Variants in DGKK observed in about 807,000 individuals in gnomAD.
The protein encoded by DGKK is diacylglycerol kinase kappa, also known as 142 kDa diacylglycerol kinase.
A neutral mutation model predicts 92.2 loss-of-function variants in DGKK; 35 were observed. The ratio of observed to expected loss-of-function variants is 0.38; its 90% CI spans 0.29 to 0.50. The LOEUF (loss-of-function observed/expected upper bound fraction) is 0.50. Ranked by LOEUF, DGKK falls within the 20% of genes least tolerant of loss-of-function variation. The pLI, the probability that DGKK is intolerant of heterozygous loss-of-function variation, is 0.92. For missense variants in DGKK, 910 were observed against 992.2 expected (o/e 0.92, Z 1.11); for synonymous variants, 368 against 360.6 (o/e 1.02, Z -0.23).
chrX:50,404,092 T>C lies in DGKK; in HGVS notation c.1035A>G (p.Arg345=). Residue 345 remains arginine, a synonymous_variant, in exon 5 of 28, where the codon CGA becomes CGG. Transcript: ENST00000611977. The stretch of plus-strand genomic sequence containing the variant: ...CTCTAGATAAGGCAGGAATGCTCTC[T>C]CGACAAACATTGCAGTGCTGGGTCC... ...SHRTQHCNVC[R]ESIPALSRDA... 8.3e-7 allele frequency: 1 copy of C among 1,211,362 alleles called. No homozygotes were observed. Among genetic ancestry groups the C allele is most frequent in the Non-Finnish European group, 1.1e-6 (1 of 895,322 alleles).
intron 4 of DGKK, among the ~76,000 whole-genome samples, chrX:50,412,118 C>G (rs1557228028): frequency 9.0e-6 from 1 of 111,371 alleles, no homozygotes; most frequent in Non-Finnish European, 1.9e-5. Context: ...GATTTTGGAG[C>G]AATTCGGGTT....
chrX:50,414,798 T>C (rs1925391636), intron 4 of DGKK, among the ~76,000 whole-genome samples: 1 of 111,668 alleles, frequency 9.0e-6, no homozygotes, highest in Non-Finnish European at 1.9e-5. Flanking sequence ...TAATTAGCTA[T>C]CTCTACAAAA....
intron 1 of DGKK, among the ~76,000 whole-genome samples, chrX:50,458,621 C>T (rs1381443099): frequency 1.8e-5 from 2 of 110,200 alleles, no homozygotes; most frequent in Admixed American, 2.0e-4. Flanking sequence ...TTATATGCCC[C>T]ATCAGCCAAC....
intron 26 of DGKK, 22 bp from the exon 27 acceptor site, chrX:50,370,571 G>A (rs1557223056): frequency 8.4e-7 from 1 of 1,186,273 alleles, no homozygotes; most frequent in Non-Finnish European, 1.1e-6. Context: ...CAAGAGGAAG[G>A]TCAAAATGTT....
intron 1 of DGKK, among the ~76,000 whole-genome samples, chrX:50,432,759 T>G (rs1925921436): frequency 8.9e-6 from 1 of 112,509 alleles, no homozygotes. Context: ...CCTAAACACC[T>G]ATAAGTTTTG....
intron 1 of DGKK, 134 bp downstream of exon 1, chrX:50,469,900 T>A: frequency 1.1e-6 from 1 of 928,249 alleles, no homozygotes; most frequent in African/African-American, 2.0e-5. Flanking sequence ...TCCCCATCCC[T>A]GCATCTTTCT....
At chrX:50,388,321 T>G (rs1924599888) in intron 13 of DGKK, among the ~76,000 whole-genome samples, 1 of 112,097 alleles carries the variant, frequency 8.9e-6, no homozygotes, top group Non-Finnish European at 1.9e-5. Context: ...GGCTTGCAAT[T>G]TTGACTTTTT....
In DGKK at chrX:50,369,028, GA is replaced by G. The variant is rs782242724; in HGVS notation, c.3737-10del. ...GCGGTGCCATAAATTGCCTTCAGAG[GA>G]AAAAAAATGGTATAGAAATAATGAG... is the stretch of plus-strand genomic sequence containing the variant. On this transcript the variant is annotated splice_polypyrimidine_tract_variant and intron_variant, in intron 27 of 27. Coordinates refer to ENST00000611977, the MANE Select transcript of DGKK (RefSeq NM_001013742.4). 39 of 1,182,520 alleles carry G rather than the reference GA, an allele frequency of 3.3e-5. No individual in the cohort carries two copies. Among genetic ancestry groups the G allele is most frequent in the Middle Eastern group, 2.3e-4 (1 of 4,292 alleles).
rs1926359310 is a variant in DGKK at position 50,447,362 on chromosome X, AT to A, written c.645+22671del. 2.2e-4 allele frequency among the ~76,000 whole-genome samples: 3 copies of A among 13,715 alleles called. No homozygotes were observed. In the African/African-American group the frequency reaches 2.4e-3, roughly 11 times the overall value. The allele number at this position is 13,715 out of a possible 115,157, so 11.9% of individuals were successfully genotyped here. ...TATATATTATATATATATATAATAT[AT>A]ATATATTATATATATATATAATATA... On this transcript the variant is annotated intron_variant, in intron 1 of 27. Transcript: ENST00000611977.
intron 25 of DGKK, among the ~76,000 whole-genome samples, chrX:50,374,121 TC>T (rs1392891717): frequency 8.9e-6 from 1 of 111,954 alleles, no homozygotes; most frequent in Non-Finnish European, 1.9e-5. Flanking sequence ...GAAGACCTAA[TC>T]CCCAGTACAT....
chrX:50,465,830 T>C (rs1053286100), intron 1 of DGKK, among the ~76,000 whole-genome samples: 4 of 110,651 alleles, frequency 3.6e-5, no homozygotes, highest in African/African-American at 1.3e-4. Context: ...CTATAAGCTG[T>C]CAAGTTTTAT....
Position 50,403,132 on chromosome X carries a change from C to A in DGKK, c.1237G>T (p.Ala413Ser). The part of the protein sequence containing the change: ...EGNMPVSSQC[A>S]VCHESCGSYQ... ...CTGCCACAGCTCTCATGACACACTG[C>A]ACACTGAGAGCTGACAGGCATGTTT... is the stretch of plus-strand genomic sequence containing the variant. The change falls in exon 7 of 28, where the codon GCA becomes TCA. Residue 413 changes from alanine to serine, a missense_variant. Coordinates refer to ENST00000611977, the MANE Select transcript of DGKK (RefSeq NM_001013742.4). 1 of 1,207,045 alleles carries A rather than the reference C, an allele frequency of 8.3e-7. No homozygotes were observed. Among genetic ancestry groups the A allele is most frequent in the Admixed American group, 2.2e-5 (1 of 45,668 alleles).
In DGKK at chrX:50,368,159, T is replaced by C. The variant is rs1924018737; in HGVS notation, c.*781A>G. 1 of 110,647 alleles carries C rather than the reference T, an allele frequency of 9.0e-6. No homozygotes were observed. The highest frequency in any genetic ancestry group is 1.9e-5 in the Non-Finnish European group (1 of 52,963). 9.1% of individuals were successfully genotyped at this position (110,647 alleles called of 1,213,427 possible). A position where few individuals can be genotyped will look rare whatever the true frequency, so the allele number is the denominator to read the frequency against. ...ATTTAGTTAAAAAATCCAGCAAGAA[T>C]GCAGGCAAACACTCCGTGGAGGCAT... On this transcript the variant is annotated 3_prime_UTR_variant, in exon 28 of 28. Transcript: ENST00000611977.
chrX:50,439,723 C>T (rs966766489), intron 1 of DGKK, among the ~76,000 whole-genome samples: 19 of 111,238 alleles, frequency 1.7e-4, no homozygotes, highest in African/African-American at 6.2e-4. Flanking sequence ...CAAGCACAGA[C>T]TCTTTCCTTC....
chrX:50,377,190 CAT>C (rs1455013620), intron 22 of DGKK, among the ~76,000 whole-genome samples: 43 of 112,392 alleles, frequency 3.8e-4, no homozygotes, highest in African/African-American at 1.4e-3. Context: ...GGATCATACA[CAT>C]GTCTGGTTTC....
chrX:50,378,932 T>C (rs1305102542), intron 20 of DGKK, among the ~76,000 whole-genome samples: 1 of 112,394 alleles, frequency 8.9e-6, no homozygotes, highest in Non-Finnish European at 1.9e-5. Flanking sequence ...GCCAGTCTTA[T>C]TGGCCTTATG....
intron 4 of DGKK, among the ~76,000 whole-genome samples, chrX:50,417,472 T>G (rs1321092268): frequency 2.7e-5 from 3 of 110,815 alleles, no homozygotes; most frequent in Non-Finnish European, 5.7e-5. Flanking sequence ...GGTCAATGAT[T>G]CCATGGCAAT....
At chrX:50,382,639 C>T in intron 17 of DGKK, 36 bp from the exon 18 acceptor site, 5 of 1,095,256 alleles carry the variant, frequency 4.6e-6, no homozygotes, top group Non-Finnish European at 5.0e-6. Flanking sequence ...GACATTGGTG[C>T]AGGAAAGAAG....
At chrX:50,370,386 G>A (rs1349951502) in intron 27 of DGKK, 40 bp downstream of exon 27, 25 of 1,163,803 alleles carry the variant, frequency 2.1e-5, no homozygotes, top group Non-Finnish European at 2.4e-5. Flanking sequence ...GGCTGTTGGG[G>A]GAAGTCTTCA....
Sources: gnomAD v4.1 joint callset for allele counts (sites outside exome capture counted in the v4.1 genomes callset) on GRCh38, gnomAD v4.1.1 for gene constraint, MANE v1.5 for transcripts, NCBI Gene and HGNC (gene_info 2026-07-23, HGNC 2026-07-21) for gene names.